Variants in AGTPBP1 observed in about 807,000 individuals in gnomAD.
AGTPBP1 encodes the protein cytosolic carboxypeptidase 1.
In AGTPBP1, 70 loss-of-function variants were observed where a neutral mutation model predicts 143.9. The ratio of observed to expected loss-of-function variants is 0.49; its 90% CI spans 0.40 to 0.59. The LOEUF (loss-of-function observed/expected upper bound fraction) is 0.59. AGTPBP1 is among the 20% of genes least tolerant of loss of function. The pLI is 0.00. For synonymous variants in AGTPBP1, 463 were observed against 500.2 expected (o/e 0.93, Z 0.99); for missense variants, 1,229 against 1,464.5 (o/e 0.84, Z 2.62).
intron 25 of AGTPBP1, among the ~76,000 whole-genome samples, chr9:85,560,506 G>A (rs750236555): frequency 5.9e-5 from 9 of 152,032 alleles, no homozygotes; most frequent in South Asian, 2.1e-4. Flanking sequence ...AGTGGGGAGC[G>A]CAAGTCAAAG....
In AGTPBP1 at chr9:85,694,836, T is replaced by G. The variant is rs571841547; in HGVS notation, c.33-2023A>C. Among the ~76,000 whole-genome samples the G allele has an allele frequency of 2.0e-5, 3 of 152,296 alleles. No homozygotes were observed. The East Asian group carries it at 5.8e-4, about 29-fold the overall frequency. On this transcript the variant is annotated intron_variant, in intron 2 of 25. Coordinates refer to ENST00000357081, the MANE Select transcript of AGTPBP1 (RefSeq NM_001330701.2). ...CAACCTAACCAGCCCAATATAAAAC[T>G]TCTGTTCCTCCTCTCAACCTAGTCC...
the AGTPBP1 span, among the ~76,000 whole-genome samples, chr9:85,752,854 A>C: frequency 1.3e-5 from 2 of 152,124 alleles, no homozygotes; most frequent in Non-Finnish European, 2.9e-5. Flanking sequence ...TCTACAAAAA[A>C]TTTTTAAAAA....
chr9:85,621,427 T>C, intron 14 of AGTPBP1, 142 bp from the exon 15 acceptor site: 1 of 368,346 alleles, frequency 2.7e-6, no homozygotes, highest in Non-Finnish European at 4.7e-6. Flanking sequence ...ATATTTTGCA[T>C]ACAAAAAAAC....
At chr9:85,644,433 GAAA>G (rs35208769) in intron 12 of AGTPBP1, among the ~76,000 whole-genome samples, 2 of 133,118 alleles carry the variant, frequency 1.5e-5, no homozygotes, top group Admixed American at 7.6e-5. Flanking sequence ...ATTTGGAGAG[GAAA>G]AAAAAAAAAA....
intron 17 of AGTPBP1, among the ~76,000 whole-genome samples, chr9:85,597,583 C>T (rs1829377106): frequency 6.6e-6 from 1 of 152,074 alleles, no homozygotes; most frequent in African/African-American, 2.4e-5. Flanking sequence ...GTATGTGAGA[C>T]ACTGCTCTAA....
At chr9:85,587,000 C>G (rs769018280) in intron 21 of AGTPBP1, 40 bp from the exon 22 acceptor site, 1 of 1,611,184 alleles carries the variant, frequency 6.2e-7, no homozygotes, top group Non-Finnish European at 8.5e-7. Flanking sequence ...AACACTGGTA[C>G]CCATAAACCC....
chr9:85,741,920 C>A lies in AGTPBP1; in HGVS notation c.-179G>T. The A allele has an allele frequency of 7.6e-7, 1 of 1,320,418 alleles. No individual in the cohort carries two copies. The highest frequency in any genetic ancestry group is 9.6e-7 in the Non-Finnish European group (1 of 1,039,500). 81.8% of individuals were successfully genotyped at this position (1,320,418 alleles called of 1,614,324 possible). A position where few individuals can be genotyped will look rare whatever the true frequency, so the allele number is the denominator to read the frequency against. On this transcript the variant is annotated 5_prime_UTR_variant, in exon 1 of 26. Coordinates refer to ENST00000357081, the MANE Select transcript of AGTPBP1 (RefSeq NM_001330701.2). ...GGCGAGGCGGAGGCGGCGGCGGCGG[C>A]AGCTGCGGCGGCGGCGCTGGAGGCG...
At chr9:85,642,131 A>C (rs1214484334) in intron 13 of AGTPBP1, among the ~76,000 whole-genome samples, 3 of 152,198 alleles carry the variant, frequency 2.0e-5, no homozygotes, top group African/African-American at 7.2e-5. Context: ...CAAATCTTAG[A>C]GATTATCTAA....
chr9:85,744,340 T>C (rs1308627905), upstream of AGTPBP1, among the ~76,000 whole-genome samples: 1 of 152,238 alleles, frequency 6.6e-6, no homozygotes, highest in Non-Finnish European at 1.5e-5. Context: ...AAACATCATC[T>C]ATGGAGTGTA....
At chr9:85,717,310 C>T (rs980352169) in intron 1 of AGTPBP1, among the ~76,000 whole-genome samples, 2 of 152,062 alleles carry the variant, frequency 1.3e-5, no homozygotes, top group Non-Finnish European at 2.9e-5. Flanking sequence ...TCAAGACCAG[C>T]CTGGGCAATA....
the AGTPBP1 span, among the ~76,000 whole-genome samples, chr9:85,797,117 T>C: frequency 6.6e-6 from 1 of 151,654 alleles, no homozygotes; most frequent in Non-Finnish European, 1.5e-5. Context: ...TAGTTTTATC[T>C]CTCTCTCTCT....
intron 3 of AGTPBP1, among the ~76,000 whole-genome samples, chr9:85,689,537 A>C (rs1835704078): frequency 6.6e-6 from 1 of 152,176 alleles, no homozygotes; most frequent in African/African-American, 2.4e-5. Context: ...GAACTTTGAC[A>C]TCACAAATAA....
Position 85,741,899 on chromosome 9 carries a change from A to AGGC in AGTPBP1, c.-161_-159dup. ...TTCATACAAACCCCGGTGGCAGGCG[A>AGGC]GGCGGAGGCGGCGGCGGCGGCAGCT... On this transcript the variant is annotated 5_prime_UTR_variant, in exon 1 of 26. Coordinates refer to ENST00000357081, the MANE Select transcript of AGTPBP1 (RefSeq NM_001330701.2). 1 of 1,344,666 alleles carries AGGC rather than the reference A, an allele frequency of 7.4e-7. No individual in the cohort carries two copies. Among genetic ancestry groups the AGGC allele is most frequent in the Non-Finnish European group, 9.5e-7 (1 of 1,050,638 alleles). The allele number at this position is 1,344,666 out of a possible 1,614,324, so 83.3% of individuals were successfully genotyped here.
At chr9:85,690,988 G>T (rs1835833645) in intron 3 of AGTPBP1, among the ~76,000 whole-genome samples, 1 of 152,182 alleles carries the variant, frequency 6.6e-6, no homozygotes, top group Admixed American at 6.5e-5. Context: ...GGACAAAAGT[G>T]TTTATCTATA....
At chr9:85,730,682 T>C (rs1439917923) in intron 1 of AGTPBP1, among the ~76,000 whole-genome samples, 1 of 152,200 alleles carries the variant, frequency 6.6e-6, no homozygotes, top group Non-Finnish European at 1.5e-5. Flanking sequence ...TGACATAGCC[T>C]TGAACGTGCC....
chr9:85,789,633 A>G, the AGTPBP1 span, among the ~76,000 whole-genome samples: 3 of 152,070 alleles, frequency 2.0e-5, no homozygotes, highest in Admixed American at 6.6e-5. Context: ...TCTTTTTGTT[A>G]ATGTATTTTT....
chr9:85,752,510 A>C, the AGTPBP1 span, among the ~76,000 whole-genome samples: 1 of 152,210 alleles, frequency 6.6e-6, no homozygotes. Context: ...TGTTACGCTA[A>C]TGTGTAACAC....
chr9:85,624,568 A>G (rs1343037098), intron 14 of AGTPBP1, among the ~76,000 whole-genome samples: 1 of 152,110 alleles, frequency 6.6e-6, no homozygotes, highest in Non-Finnish European at 1.5e-5. Flanking sequence ...TACTTCCACT[A>G]TTGCCTCAAT....
At chr9:85,614,109 G>A (rs1236040124) in intron 17 of AGTPBP1, among the ~76,000 whole-genome samples, 2 of 151,920 alleles carry the variant, frequency 1.3e-5, no homozygotes, top group African/African-American at 4.8e-5. Flanking sequence ...ACAAGGATAT[G>A]CTTAATGTAA....
Sources: allele counts gnomAD v4.1 joint callset (sites outside exome capture counted in the v4.1 genomes callset), GRCh38; gene constraint gnomAD v4.1.1; transcripts MANE v1.5; gene names NCBI Gene and HGNC (gene_info 2026-07-23, HGNC 2026-07-21).